The following GRID2 variants were observed in gnomAD, a reference collection of about 807,000 sequenced individuals.
GRID2 encodes glutamate ionotropic receptor delta type subunit 2, also known as glutamate receptor ionotropic, delta-2.
GRID2 carries 33 observed loss-of-function variants against 114.8 expected under a neutral mutation model. The observed-to-expected ratio is 0.29, with a 90% CI of 0.22 to 0.38. The LOEUF is 0.38. Ranked by LOEUF, GRID2 falls within the 10% of genes least tolerant of loss-of-function variation. GRID2 has a pLI of 1.00. For missense variants in GRID2, 1,184 were observed against 1,257.7 expected (o/e 0.94, Z 0.89); for synonymous variants, 505 against 449.9 (o/e 1.12, Z -1.55).
chr4:92,890,899 G>C (rs577286307), intron 2 of GRID2, among the ~76,000 whole-genome samples: 1 of 152,190 alleles, frequency 6.6e-6, no homozygotes, highest in South Asian at 2.1e-4. Flanking sequence ...TAAAGAAAAT[G>C]TGGCACATAT....
chr4:93,667,779 G>C (rs1724075228), intron 14 of GRID2, among the ~76,000 whole-genome samples: 1 of 152,008 alleles, frequency 6.6e-6, no homozygotes, highest in African/African-American at 2.4e-5. Flanking sequence ...AAAAAGATGA[G>C]ATCAAGGAAC....
chr4:93,504,024 C>T (rs1728393113), intron 12 of GRID2, among the ~76,000 whole-genome samples: 1 of 152,012 alleles, frequency 6.6e-6, no homozygotes, highest in Non-Finnish European at 1.5e-5. Context: ...TTCTACCTTA[C>T]TTTGACAGTA....
intron 14 of GRID2, among the ~76,000 whole-genome samples, chr4:93,644,948 T>C (rs1721974320): frequency 1.3e-5 from 2 of 152,166 alleles, no homozygotes; most frequent in Non-Finnish European, 2.9e-5. Flanking sequence ...GGCCATGCTG[T>C]ATCTATAATG....
intron 2 of GRID2, among the ~76,000 whole-genome samples, chr4:92,625,357 A>G (rs1347618319): frequency 6.6e-6 from 1 of 151,820 alleles, no homozygotes; most frequent in East Asian, 1.9e-4. Context: ...TAAATCACTA[A>G]TTTTACACTT....
chr4:92,548,463 G>A (rs1579562198), intron 1 of GRID2, among the ~76,000 whole-genome samples: 1 of 122,956 alleles, frequency 8.1e-6, no homozygotes, highest in Non-Finnish European at 1.6e-5. Flanking sequence ...GTTCTGTGGA[G>A]CGATTTTGGC....
intron 13 of GRID2, among the ~76,000 whole-genome samples, chr4:93,539,021 A>G (rs1166827569): frequency 6.6e-6 from 1 of 151,896 alleles, no homozygotes; most frequent in Non-Finnish European, 1.5e-5. Context: ...TGGGTTAAGG[A>G]GTATAAGAGA....
chr4:92,818,383 A>G (rs912361567), intron 2 of GRID2, among the ~76,000 whole-genome samples: 1 of 152,134 alleles, frequency 6.6e-6, no homozygotes, highest in Admixed American at 6.6e-5. Flanking sequence ...GGAAACATTA[A>G]AAAAGAAAAA....
chr4:93,534,303 A>T (rs1156991846), intron 13 of GRID2, among the ~76,000 whole-genome samples: 2 of 152,022 alleles, frequency 1.3e-5, no homozygotes, highest in Non-Finnish European at 2.9e-5. Flanking sequence ...ATTTTTTATT[A>T]TATGTATTTA....
chr4:93,692,618 C>G (rs1007385698), intron 14 of GRID2, among the ~76,000 whole-genome samples: 2 of 152,000 alleles, frequency 1.3e-5, no homozygotes, highest in Admixed American at 1.3e-4. Flanking sequence ...TCATTTAGGC[C>G]ATTGTGTAAA....
intron 1 of GRID2, among the ~76,000 whole-genome samples, chr4:92,422,531 G>A (rs777413173): frequency 6.6e-6 from 1 of 152,102 alleles, no homozygotes; most frequent in Non-Finnish European, 1.5e-5. Context: ...CAGTGAGCCA[G>A]CGGTGTTAAT....
intron 8 of GRID2, among the ~76,000 whole-genome samples, chr4:93,316,283 C>CGAAAGAAAGAAA (rs1382874932): frequency 1.7e-4 from 17 of 97,736 alleles, no homozygotes; most frequent in East Asian, 1.2e-3. Flanking sequence ...AAGAAAAGAA[C>CGAAAGAAAGAAA]GAAAGAACGA....
chr4:92,921,141 C>T (rs929817401), intron 2 of GRID2, among the ~76,000 whole-genome samples: 20 of 152,110 alleles, frequency 1.3e-4, no homozygotes, highest in African/African-American at 1.7e-4. Flanking sequence ...TTGATCGCGT[C>T]GGCTACTGAG....
chr4:93,159,111 T>C (rs1344076793), intron 4 of GRID2, among the ~76,000 whole-genome samples: 1 of 151,604 alleles, frequency 6.6e-6, no homozygotes. Flanking sequence ...AAAATACTCC[T>C]CGCAAGCTGT....
chr4:93,152,027 C>A (rs1339872819), intron 4 of GRID2, among the ~76,000 whole-genome samples: 2 of 152,018 alleles, frequency 1.3e-5, no homozygotes, highest in Non-Finnish European at 2.9e-5. Context: ...TGGTAAAATA[C>A]TGTGTATAGA....
chr4:92,638,196 A>G (rs1391792793), intron 2 of GRID2, among the ~76,000 whole-genome samples: 1 of 151,706 alleles, frequency 6.6e-6, no homozygotes. Context: ...ATCTCTTAAA[A>G]TAAATACATG....
chr4:93,688,191 A>AGT lies in GRID2; in HGVS notation c.2360+61756_2360+61757insGT, dbSNP rs1578574480. Among the ~76,000 whole-genome samples the AGT allele has an allele frequency of 3.9e-5, 6 of 152,132 alleles. No homozygotes were observed. In the East Asian group the frequency reaches 9.7e-4, roughly 25 times the overall value. ...TGAAATTGCTGTCTCAGAAAATAAAAACAAGGCTACTAGAAAAACAGTATT... is the reference window on the plus strand; with the variant it reads ...TGAAATTGCTGTCTCAGAAAATAAAAGTACAAGGCTACTAGAAAAACAGTATT... On this transcript the variant is annotated intron_variant, in intron 14 of 15. Transcript: ENST00000282020.
chr4:92,316,906 C>A (rs567971835), intron 1 of GRID2, among the ~76,000 whole-genome samples: 1 of 152,234 alleles, frequency 6.6e-6, no homozygotes, highest in East Asian at 1.9e-4. Flanking sequence ...AAAGTAAATA[C>A]AATCATGCCA....
At chr4:93,259,327 T>C (rs1001669779) in intron 8 of GRID2, among the ~76,000 whole-genome samples, 1 of 151,800 alleles carries the variant, frequency 6.6e-6, no homozygotes, top group Non-Finnish European at 1.5e-5. Context: ...ATATCAATCA[T>C]AGTTAGGCAC....
intron 13 of GRID2, among the ~76,000 whole-genome samples, chr4:93,560,230 A>AAAC: frequency 6.9e-6 from 1 of 145,246 alleles, no homozygotes; most frequent in African/African-American, 2.5e-5. Flanking sequence ...AGTAAAAAAA[A>AAAC]AAAAAAAAAA....
Sources: gnomAD v4.1 joint callset for allele counts (sites outside exome capture counted in the v4.1 genomes callset) on GRCh38, gnomAD v4.1.1 for gene constraint, MANE v1.5 for transcripts, NCBI Gene and HGNC (gene_info 2026-07-23, HGNC 2026-07-21) for gene names.